LAMA5: variants seen among roughly 807,000 people sequenced by gnomAD.
The protein encoded by LAMA5 is laminin subunit alpha-5.
A neutral mutation model predicts 433.4 loss-of-function variants in LAMA5; 260 were observed. That is an observed-to-expected ratio of 0.60 (90% confidence interval 0.54 to 0.66). The LOEUF is 0.66. Ranked by LOEUF, LAMA5 falls within the 30% of genes least tolerant of loss-of-function variation. The probability of loss-of-function intolerance (pLI) is 0.00; values close to 1 mark genes in which losing one functional copy is unlikely to be tolerated. For missense variants in LAMA5, 5,378 were observed against 5,258.5 expected (o/e 1.02, Z -0.70); for synonymous variants, 2,620 against 2,226.6 (o/e 1.18, Z -4.97).
intron 47 of LAMA5, 31 bp from the exon 48 acceptor site, chr20:62,322,199 G>A (rs1031149698): frequency 6.4e-7 from 1 of 1,573,226 alleles, no homozygotes; most frequent in East Asian, 2.3e-5. Flanking sequence ...GAGCATGGCT[G>A]GCCTGGGACC....
At chr20:62,345,974 C>A (rs1264126634) in intron 10 of LAMA5, 97 bp from the exon 11 acceptor site, 52 of 1,577,174 alleles carry the variant, frequency 3.3e-5, no homozygotes, top group Non-Finnish European at 1.6e-5. Flanking sequence ...ATCGGAGATG[C>A]AGGCAGGATA....
chr20:62,314,950 G>A lies in LAMA5; in HGVS notation c.8048-3C>T. ...CAGCGTCTTCTCCAGGGTGGACACT[G>A]CAGAGAGGGAGACCTGAGACCTTTG... On this transcript the variant is annotated splice_polypyrimidine_tract_variant and splice_region_variant and intron_variant, in intron 59 of 79. Transcript: ENST00000252999. The A allele has an allele frequency of 5.6e-6, 9 of 1,594,684 alleles. No individual in the cohort carries two copies. Among genetic ancestry groups the A allele is most frequent in the Non-Finnish European group, 7.7e-6 (9 of 1,174,358 alleles).
chr20:62,320,942 G>A (rs764123554), intron 48 of LAMA5, 52 bp from the exon 49 acceptor site: 1 of 1,552,534 alleles, frequency 6.4e-7, no homozygotes, highest in Non-Finnish European at 8.7e-7. Flanking sequence ...GGCCAGGGGA[G>A]AATGATCAGC....
At chr20:62,329,356 C>T (rs1244071647) in intron 32 of LAMA5, 103 bp from the exon 33 acceptor site, 2 of 838,932 alleles carry the variant, frequency 2.4e-6, no homozygotes, top group East Asian at 2.7e-5. Context: ...GCTCAGAGTC[C>T]TGGCAGCAGC....
intron 70 of LAMA5, 41 bp from the exon 71 acceptor site, chr20:62,311,825 T>TCCCCCCCCCCCC: frequency 3.2e-6 from 1 of 308,316 alleles, no homozygotes; most frequent in Admixed American, 4.2e-5. Context: ...TTCCCCACCC[T>TCCCCCCCCCCCC]GCCCACCCCC....
intron 1 of LAMA5, 147 bp from the exon 2 acceptor site, chr20:62,362,699 C>T (rs1451328724): frequency 3.2e-6 from 2 of 627,128 alleles, no homozygotes; most frequent in Non-Finnish European, 4.9e-6. Flanking sequence ...ACTTGCTCAG[C>T]AAACATGCGC....
intron 48 of LAMA5, among the ~76,000 whole-genome samples, chr20:62,321,304 C>T (rs1267548078): frequency 4.4e-5 from 3 of 68,274 alleles, no homozygotes; most frequent in Non-Finnish European, 2.8e-5. Flanking sequence ...GAAGAGGGGG[C>T]CAGTGAAGGT....
Position 62,329,165 on chromosome 20 carries a change from T to G in LAMA5, c.4208A>C (p.His1403Pro). The change falls in exon 33 of 80, where the codon CAC becomes CCC. Residue 1403 changes from histidine to proline, a missense_variant. Transcript: ENST00000252999. ...PLDKSYDFIS[H>P]CAAQGYHISP... ...GATGTGGTAGCCCTGGGCTGCGCAG[T>G]GGCTGATGAAGTCATAGGATTTATC... The G allele has an allele frequency of 6.2e-7, 1 of 1,612,808 alleles. No homozygotes were observed. The highest frequency in any genetic ancestry group is 8.5e-7 in the Non-Finnish European group (1 of 1,179,862).
rs371279151 is a variant in LAMA5, at chr20:62,313,754, G to T, written c.8553C>A (p.Ile2851=). The T allele has an allele frequency of 5.8e-5, 94 of 1,612,858 alleles. No homozygotes were observed. In the African/African-American group the frequency reaches 1.2e-3, roughly 21 times the overall value. Residue 2851 remains isoleucine, a synonymous_variant, in exon 63 of 80, where the codon ATC becomes ATA. Transcript: ENST00000252999. ...HMSVTVERQM[I]QETKGDTVAP... ...CCACCGTGTCACCCTTGGTTTCCTG[G>T]ATCATCTGTCTCTCCACTGTGACGG...
rs373181217 is a variant in LAMA5 at position 62,317,382 on chromosome 20, C to T, written c.7474G>A (p.Ala2492Thr). 1.9e-5 allele frequency: 31 copies of T among 1,609,548 alleles called. No homozygotes were observed. Among genetic ancestry groups the T allele is most frequent in the Middle Eastern group, 1.7e-4 (1 of 5,928 alleles). The change falls in exon 55 of 80, where the codon GCA becomes ACA. Residue 2492 changes from alanine (A) to threonine (T), a missense_variant. Transcript: ENST00000252999. The stretch of plus-strand genomic sequence containing the variant: ...AGTGCCAGCTGGCCCAGCTGCTGTG[C>T]GTGGGCCTCGGCGGCCTCCACTAGA... ...LRLVEAAEAHAQQLGQLALNL... is the reference protein window; with the variant it reads ...LRLVEAAEAHTQQLGQLALNL...
At position 62,330,764 on chromosome 20, in the gene LAMA5, G is replaced by A. The variant is rs151050051; in HGVS notation, c.3831C>T (p.Pro1277=). Residue 1277 remains proline (P), a synonymous_variant, in exon 30 of 80, where the codon CCC becomes CCT. Coordinates refer to ENST00000252999, the MANE Select transcript of LAMA5 (RefSeq NM_005560.6). ...PPTAVDPDAE[P]TLLREPQATV... is the part of the protein sequence containing the mutation. ...TCACCTGGGGCTCACGCAGCAGGGTGGGCTCTGCATCAGGGTCCACAGCGG... is the reference window on the plus strand; with the variant it reads ...TCACCTGGGGCTCACGCAGCAGGGTAGGCTCTGCATCAGGGTCCACAGCGG... The A allele has an allele frequency of 3.2e-5, 50 of 1,562,426 alleles. No homozygotes were observed. The highest frequency in any genetic ancestry group is 8.2e-5 in the South Asian group (7 of 84,974).
At chr20:62,361,188 A>G (rs1986094514) in intron 2 of LAMA5, among the ~76,000 whole-genome samples, 1 of 151,900 alleles carries the variant, frequency 6.6e-6, no homozygotes, top group Non-Finnish European at 1.5e-5. Context: ...TCCAGGGGAC[A>G]GGGGAGTCAG....
intron 2 of LAMA5, among the ~76,000 whole-genome samples, chr20:62,361,132 G>A (rs1327738676): frequency 1.3e-5 from 2 of 152,162 alleles, no homozygotes; most frequent in African/African-American, 4.8e-5. Flanking sequence ...TACAGCCAAG[G>A]TGGGGGCCTC....
chr20:62,330,502 C>T lies in LAMA5; in HGVS notation c.3965G>A (p.Gly1322Asp), dbSNP rs1316223833. ...TFPVEVLINAGRVWQGHANAS... is the reference protein window; with the variant it reads ...TFPVEVLINADRVWQGHANAS... ...CAGACACTCACCCTGCCACACGCGG[C>T]CGGCGTTGATGAGGACTTCCACGGG... The change falls in exon 31 of 80, where the codon GGC (glycine) becomes GAC (aspartate). Residue 1322 changes from glycine (G) to aspartate (D), a missense_variant. Gly to Asp is a moderately conservative substitution (Grantham distance 94, BLOSUM62 -1). Transcript: ENST00000252999. 1 of 1,558,308 alleles carries T rather than the reference C, an allele frequency of 6.4e-7. No individual in the cohort carries two copies. Among genetic ancestry groups the T allele is most frequent in the African/African-American group, 1.3e-5 (1 of 74,202 alleles).
At chr20:62,334,685 C>T (rs1295435730) in intron 20 of LAMA5, 64 bp from the exon 21 acceptor site, 2 of 1,344,718 alleles carry the variant, frequency 1.5e-6, no homozygotes, top group Non-Finnish European at 2.0e-6. Context: ...GGGCCCCTCA[C>T]AGCCAGACTG....
In LAMA5 at chr20:62,328,311, ACTC is replaced by A; in HGVS notation, c.4579_4581del (p.Glu1527del). 1 of 1,605,966 alleles carries A rather than the reference ACTC, an allele frequency of 6.2e-7. No individual in the cohort carries two copies. Among genetic ancestry groups the A allele is most frequent in the Non-Finnish European group, 8.5e-7 (1 of 1,177,204 alleles). On this transcript the variant is annotated inframe_deletion, in exon 35 of 80. Coordinates refer to ENST00000252999, the MANE Select transcript of LAMA5 (RefSeq NM_005560.6). ...TGGATGCCGGGCCCTGAGCAGTTAC[ACTC>A]CTCACAGCCGACCAGGGGGTGGCAG...
In LAMA5 at chr20:62,316,998, G is replaced by T; in HGVS notation, c.7537C>A (p.Arg2513Ser). ...GCCTCGATGGCCCTCTGGGTGAGGCGGTCCTGGTTGACGTCCAGGATGATG... is the reference window on the plus strand; with the variant it reads ...GCCTCGATGGCCCTCTGGGTGAGGCTGTCCTGGTTGACGTCCAGGATGATG... ...SSIILDVNQDRLTQRAIEASN... is the reference protein window; with the variant it reads ...SSIILDVNQDSLTQRAIEASN... The change falls in exon 56 of 80, where the codon CGC (arginine) becomes AGC (serine). Residue 2513 changes from arginine to serine, a missense_variant. Physicochemically the swap from Arg to Ser is moderately radical, Grantham distance 110. Coordinates refer to ENST00000252999, the MANE Select transcript of LAMA5 (RefSeq NM_005560.6). 1 of 1,544,386 alleles carries T rather than the reference G, an allele frequency of 6.5e-7. No homozygotes were observed.
rs1432900353 is a variant in LAMA5 at position 62,333,224 on chromosome 20, G to A, written c.3148C>T (p.Leu1050Phe). 2 of 1,534,162 alleles carry A rather than the reference G, an allele frequency of 1.3e-6. No individual in the cohort carries two copies. Among genetic ancestry groups the A allele is most frequent in the Middle Eastern group, 1.8e-4 (1 of 5,680 alleles). The change falls in exon 26 of 80, where the codon CTC becomes TTC. Residue 1050 changes from leucine to phenylalanine, a missense_variant. Transcript: ENST00000252999. ...SGDNCLLYTH[L>F]PLDGFPSAAG... ...GCCGAGGGGAAGCCATCCAGGGGGA[G>A]GTGTGTGTAGAGGAGGCAGCTGGGG...
chr20:62,338,505 C>T lies in LAMA5; in HGVS notation c.1581G>A (p.Glu527=), dbSNP rs1443286475. ...GGCCGTAGAACCCTGGCGCGCAGAG[C>T]TCACAATGGGTGCCTTGGAAGTTGG... ...CKPNFQGTHC[E]LCAPGFYGPG... Residue 527 remains glutamate (E), a synonymous_variant, in exon 12 of 80, where the codon GAG becomes GAA. Transcript: ENST00000252999. 1 of 1,609,740 alleles carries T rather than the reference C, an allele frequency of 6.2e-7. No homozygotes were observed. The highest frequency in any genetic ancestry group is 8.5e-7 in the Non-Finnish European group (1 of 1,178,942).
Sources: allele counts gnomAD v4.1 joint callset (sites outside exome capture counted in the v4.1 genomes callset), GRCh38; gene constraint gnomAD v4.1.1; transcripts MANE v1.5; gene names NCBI Gene and HGNC (gene_info 2026-07-23, HGNC 2026-07-21).